Variants in IGSF3 observed in about 807,000 individuals in gnomAD.
IGSF3 encodes the protein immunoglobulin superfamily member 3.
A neutral mutation model predicts 114.4 loss-of-function variants in IGSF3; 23 were observed. The ratio of observed to expected loss-of-function variants is 0.20; its 90% CI spans 0.14 to 0.28. The LOEUF is 0.28. Ranked by LOEUF, IGSF3 falls within the 10% of genes least tolerant of loss-of-function variation. IGSF3 has a pLI of 1.00. For missense variants in IGSF3, 1,172 were observed against 1,591.5 expected (o/e 0.74, Z 4.48); for synonymous variants, 571 against 645.2 (o/e 0.88, Z 1.74).
At chr1:116,602,133 C>T (rs1411461322) in intron 6 of IGSF3, among the ~76,000 whole-genome samples, 1 of 152,172 alleles carries the variant, frequency 6.6e-6, no homozygotes, top group Non-Finnish European at 1.5e-5. Context: ...TTTGGGCCAC[C>T]TGATTATGGC....
rs1660224956 is a variant in IGSF3, at chr1:116,593,769, G to T, written c.2030-4665C>A. On this transcript the variant is annotated intron_variant, in intron 7 of 10. Coordinates refer to ENST00000369486, the MANE Select transcript of IGSF3 (RefSeq NM_001007237.3). The surrounding 1 kb of genome is among the most constrained non-coding windows in gnomAD (Gnocchi z 4.5). ...ATGGGGCATGCTACTGCCCACGGCT[G>T]CCCACCCCACAGCCCGTGACAGCAG... Among the ~76,000 whole-genome samples the T allele has an allele frequency of 6.6e-6, 1 of 152,178 alleles. No individual in the cohort carries two copies. The highest frequency in any genetic ancestry group is 1.5e-5 in the Non-Finnish European group (1 of 68,030).
chr1:116,609,304 T>G (rs984014911), intron 4 of IGSF3, among the ~76,000 whole-genome samples: 2 of 152,046 alleles, frequency 1.3e-5, no homozygotes, highest in East Asian at 3.9e-4. Context: ...TGGAGTGTAG[T>G]GGCATGATCG....
intron 2 of IGSF3, among the ~76,000 whole-genome samples, chr1:116,660,479 C>CTTTTTTTTTTTTTTT (rs71274759): frequency 3.0e-5 from 3 of 99,740 alleles, no homozygotes; most frequent in East Asian, 3.0e-4. Flanking sequence ...GTATGCTTTT[C>CTTTTTTTTTTTTTTT]TTTTTTTTTT....
In IGSF3 at chr1:116,594,004, G is replaced by A. The variant is rs1660237091; in HGVS notation, c.2030-4900C>T. Among the ~76,000 whole-genome samples, 1 of 152,312 alleles carries A rather than the reference G, an allele frequency of 6.6e-6. No individual in the cohort carries two copies. Among genetic ancestry groups the A allele is most frequent in the South Asian group, 2.1e-4 (1 of 4,830 alleles). ...GCCTCTGGGCCTAGAACCTACTTTC[G>A]TTTTACTATAATCACAATACTTTTA... On this transcript the variant is annotated intron_variant, in intron 7 of 10. Transcript: ENST00000369486. The surrounding 1 kb of genome is among the most constrained non-coding windows in gnomAD (Gnocchi z 5.2).
chr1:116,577,136 C>T lies in IGSF3; in HGVS notation c.*176G>A. On this transcript the variant is annotated 3_prime_UTR_variant, in exon 11 of 11. Transcript: ENST00000369486. The surrounding 1 kb of genome is among the most constrained non-coding windows in gnomAD (Gnocchi z 5.7). ...CGCGCAAATAGCTAACCAACCAAGA[C>T]TGCCACCGAGAGGCAGTCTGTCTCT... The T allele has an allele frequency of 1.6e-6, 1 of 642,048 alleles. No homozygotes were observed. Among genetic ancestry groups the T allele is most frequent in the Non-Finnish European group, 2.7e-6 (1 of 376,722 alleles). The allele number at this position is 642,048 out of a possible 1,614,324, so 39.8% of individuals were successfully genotyped here.
At chr1:116,645,663 G>C (rs1648334238) in intron 2 of IGSF3, among the ~76,000 whole-genome samples, 1 of 152,186 alleles carries the variant, frequency 6.6e-6, no homozygotes, top group Non-Finnish European at 1.5e-5. Flanking sequence ...ACACTCCCCG[G>C]GCAGGGGAAC....
intron 8 of IGSF3, among the ~76,000 whole-genome samples, chr1:116,587,314 G>A (rs1236904635): frequency 6.6e-6 from 1 of 152,158 alleles, no homozygotes; most frequent in Admixed American, 6.5e-5. Flanking sequence ...ATATGAATAA[G>A]TAAATTAACA....
At chr1:116,630,150 G>A (rs964021744) in intron 2 of IGSF3, among the ~76,000 whole-genome samples, 2 of 152,212 alleles carry the variant, frequency 1.3e-5, no homozygotes, top group African/African-American at 2.4e-5. Context: ...TTGAACATTC[G>A]CTACAGGCTC....
chr1:116,613,457 C>T (rs1661098487), intron 4 of IGSF3, among the ~76,000 whole-genome samples: 1 of 152,104 alleles, frequency 6.6e-6, no homozygotes, highest in African/African-American at 2.4e-5. Flanking sequence ...AATGGTTTCT[C>T]AGAAATCTCC....
intron 6 of IGSF3, among the ~76,000 whole-genome samples, chr1:116,602,400 AG>A (rs1165726324): frequency 2.6e-5 from 4 of 152,040 alleles, no homozygotes; most frequent in African/African-American, 9.7e-5. Context: ...GACATCCAAA[AG>A]TTGTCCCCCA....
chr1:116,593,714 C>A lies in IGSF3; in HGVS notation c.2030-4610G>T, dbSNP rs557143382. Among the ~76,000 whole-genome samples, 382 of 152,326 alleles carry A rather than the reference C, an allele frequency of 2.5e-3. No individual in the cohort carries two copies. The highest frequency in any genetic ancestry group is 8.8e-3 in the African/African-American group (367 of 41,560). ...TGACACTCCCTCCCTCTCAGCCTAGCCACAGCCAGGGGATTTCCCTAAATG... is the reference window on the plus strand; with the variant it reads ...TGACACTCCCTCCCTCTCAGCCTAGACACAGCCAGGGGATTTCCCTAAATG... On this transcript the variant is annotated intron_variant, in intron 7 of 10. Transcript: ENST00000369486. This position sits in a 1 kb window ranked among gnomAD's most constrained non-coding sequence, Gnocchi z 4.5.
intron 2 of IGSF3, among the ~76,000 whole-genome samples, chr1:116,619,570 T>C (rs1321663618): frequency 6.6e-6 from 1 of 152,152 alleles, no homozygotes; most frequent in African/African-American, 2.4e-5. Flanking sequence ...ATAAAAATAA[T>C]TGTTTTCTTC....
At chr1:116,581,301 C>G (rs1376943577) in intron 9 of IGSF3, among the ~76,000 whole-genome samples, 2 of 141,982 alleles carry the variant, frequency 1.4e-5, no homozygotes, top group Admixed American at 1.4e-4. Context: ...TGCCAACAGA[C>G]TTGAATCTGT....
rs1647397485 is a variant in IGSF3, at chr1:116,628,332, G to A, written c.44-11875C>T. On this transcript the variant is annotated intron_variant, in intron 2 of 10. Coordinates refer to ENST00000369486, the MANE Select transcript of IGSF3 (RefSeq NM_001007237.3). The surrounding 1 kb of genome is among the most constrained non-coding windows in gnomAD (Gnocchi z 4.2). Reference sequence around the variant, plus strand: ...AATACTCAGCTTACACATGCCTGTTGCTGCTGCACTCCCCACTGTGGTTCT... The same window carrying A: ...AATACTCAGCTTACACATGCCTGTTACTGCTGCACTCCCCACTGTGGTTCT... Among the ~76,000 whole-genome samples, 1 of 152,156 alleles carries A rather than the reference G, an allele frequency of 6.6e-6. No individual in the cohort carries two copies. The highest frequency in any genetic ancestry group is 1.5e-5 in the Non-Finnish European group (1 of 68,046).
In IGSF3 at chr1:116,648,963, C is replaced by T. The variant is rs377543365; in HGVS notation, c.43+17321G>A. Reference sequence around the variant, plus strand: ...AGTCCTAGAGGTAGAATGAGTCAGCCAGCAAGCTCCAGCCCATTGACAGCA... The same window carrying T: ...AGTCCTAGAGGTAGAATGAGTCAGCTAGCAAGCTCCAGCCCATTGACAGCA... On this transcript the variant is annotated intron_variant, in intron 2 of 10. Transcript: ENST00000369486. This position sits in a 1 kb window ranked among gnomAD's most constrained non-coding sequence, Gnocchi z 4.7. Among the ~76,000 whole-genome samples, 14 of 152,302 alleles carry T rather than the reference C, an allele frequency of 9.2e-5. No individual in the cohort carries two copies. The highest frequency in any genetic ancestry group is 2.4e-4 in the African/African-American group (10 of 41,562).
At position 116,664,798 on chromosome 1, in the gene IGSF3, G is replaced by T. The variant is rs765095453; in HGVS notation, c.43+1486C>A. Among the ~76,000 whole-genome samples the T allele has an allele frequency of 6.6e-6, 1 of 152,186 alleles. No homozygotes were observed. The highest frequency in any genetic ancestry group is 1.5e-5 in the Non-Finnish European group (1 of 68,038). On this transcript the variant is annotated intron_variant, in intron 2 of 10. Transcript: ENST00000369486. This position sits in a 1 kb window ranked among gnomAD's most constrained non-coding sequence, Gnocchi z 4.6. ...AACTACCAGCAGGGTGTCTGCATGC[G>T]TTGGGTGGTAGGGCACTGGCGCTAG...
In IGSF3 at chr1:116,634,152, C is replaced by A; in HGVS notation, c.44-17695G>T. On this transcript the variant is annotated intron_variant, in intron 2 of 10. Coordinates refer to ENST00000369486, the MANE Select transcript of IGSF3 (RefSeq NM_001007237.3). This position sits in a 1 kb window ranked among gnomAD's most constrained non-coding sequence, Gnocchi z 4.2. ...TTGCACTGTGTACATCCTTCGGTAT[C>A]CTTTTTAATTGAACACATGTGAATG... Among the ~76,000 whole-genome samples the A allele has an allele frequency of 6.6e-6, 1 of 152,172 alleles. No individual in the cohort carries two copies. The highest frequency in any genetic ancestry group is 1.9e-4 in the East Asian group (1 of 5,202).
chr1:116,597,065 G>T (rs1660372933), intron 7 of IGSF3, among the ~76,000 whole-genome samples: 1 of 152,178 alleles, frequency 6.6e-6, no homozygotes, highest in Non-Finnish European at 1.5e-5. Context: ...GCCTTTAAAA[G>T]GTCAAAGTCT....
Position 116,649,381 on chromosome 1 carries a change from A to G in IGSF3, c.43+16903T>C, listed in dbSNP as rs1648534489. Among the ~76,000 whole-genome samples the G allele has an allele frequency of 6.6e-6, 1 of 152,092 alleles. No homozygotes were observed. The highest frequency in any genetic ancestry group is 2.4e-5 in the African/African-American group (1 of 41,404). On this transcript the variant is annotated intron_variant, in intron 2 of 10. Coordinates refer to ENST00000369486, the MANE Select transcript of IGSF3 (RefSeq NM_001007237.3). This position sits in a 1 kb window ranked among gnomAD's most constrained non-coding sequence, Gnocchi z 4.5. ...GAGTTGCCTCTACCACATCCTCTTA[A>G]CCCTTGGCCTCTCATTCCCAAAGTC... is the stretch of plus-strand genomic sequence containing the variant.
Sources: allele counts gnomAD v4.1 joint callset (sites outside exome capture counted in the v4.1 genomes callset), GRCh38; gene constraint gnomAD v4.1.1; non-coding constraint Gnocchi (gnomAD v3.1); transcripts MANE v1.5; gene names NCBI Gene and HGNC (gene_info 2026-07-23, HGNC 2026-07-21).